The following TCERG1 variants were observed in gnomAD, a reference collection of about 807,000 sequenced individuals.
TCERG1 encodes the protein TATA box binding protein (TBP)-associated factor, RNA polymerase II, S, 150kD.
Under a neutral mutation model 144.7 loss-of-function variants are expected in TCERG1, and 37 were observed. The ratio of observed to expected loss-of-function variants is 0.26; its 90% CI spans 0.20 to 0.34. The LOEUF (loss-of-function observed/expected upper bound fraction) is 0.34, where lower values mean the gene tolerates loss of function less well. Among genes scored for constraint, TCERG1 ranks in the 10% least tolerant of loss-of-function variants. TCERG1 has a pLI of 1.00. For synonymous variants in TCERG1, 492 were observed against 458.2 expected (o/e 1.07, Z -0.94); for missense variants, 1,027 against 1,380.7 (o/e 0.74, Z 4.06).
intron 16 of TCERG1, among the ~76,000 whole-genome samples, chr5:146,493,829 T>G (rs1050497133): frequency 2.6e-5 from 4 of 152,004 alleles, no homozygotes; most frequent in Admixed American, 1.3e-4. Context: ...GATGTAAGAG[T>G]AGTGGTATTA....
chr5:146,472,050 T>G (rs1220201013), intron 9 of TCERG1, among the ~76,000 whole-genome samples: 1 of 152,238 alleles, frequency 6.6e-6, no homozygotes, highest in South Asian at 2.1e-4. Flanking sequence ...GAAGTTCAAT[T>G]ACTACAAGTG....
At chr5:146,503,774 A>G (rs756416652) in intron 18 of TCERG1, 50 bp from the exon 19 acceptor site, 7 of 1,530,380 alleles carry the variant, frequency 4.6e-6, no homozygotes, top group Non-Finnish European at 6.1e-6. Flanking sequence ...CTGTAAAAAC[A>G]TATTTTGATG....
intron 17 of TCERG1, among the ~76,000 whole-genome samples, chr5:146,502,742 G>A (rs56399824): frequency 0.064 from 9,679 of 152,140 alleles, 426 homozygotes; most frequent in Non-Finnish European, 0.085. Flanking sequence ...CAATTTTTTA[G>A]TAATGATTAA....
chr5:146,457,078 T>TA, intron 2 of TCERG1, 105 bp from the exon 3 acceptor site: 1 of 1,446,124 alleles, frequency 6.9e-7, no homozygotes, highest in Non-Finnish European at 9.4e-7. Flanking sequence ...TTGAATAGAC[T>TA]ATAAAACTAG....
intron 9 of TCERG1, among the ~76,000 whole-genome samples, chr5:146,472,877 C>T (rs1764471714): frequency 6.6e-6 from 1 of 152,146 alleles, no homozygotes; most frequent in Admixed American, 6.5e-5. Flanking sequence ...CCACGCCTGG[C>T]TAATTTTTTG....
chr5:146,493,709 A>G (rs1048305065), intron 16 of TCERG1, among the ~76,000 whole-genome samples: 5 of 152,090 alleles, frequency 3.3e-5, no homozygotes, highest in Non-Finnish European at 7.4e-5. Flanking sequence ...CCTGTTTTAT[A>G]TGAGATAAGC....
Position 146,498,547 on chromosome 5 carries a change from G to C in TCERG1, c.2294G>C (p.Ser765Thr). The change falls in exon 17 of 23, where the codon AGT becomes ACT. Residue 765 changes from serine to threonine, a missense_variant. This residue lies in a region of TCERG1 where 482 missense variants were observed against 632.6 expected (regional missense o/e 0.76). Coordinates refer to ENST00000679501, the MANE Select transcript of TCERG1 (RefSeq NM_001382548.1). ...EAKFNPRATF[S>T]EFAAKHAKDS... ...TAATTTTGTTACAGAGCAACTTTTA[G>C]TGAATTTGCAGCCAAGCATGCTAAA... is the stretch of plus-strand genomic sequence containing the variant. 1 of 1,604,390 alleles carries C rather than the reference G, an allele frequency of 6.2e-7. No individual in the cohort carries two copies. Among genetic ancestry groups the C allele is most frequent in the Non-Finnish European group, 8.5e-7 (1 of 1,176,750 alleles).
chr5:146,475,267 A>G (rs904659732), intron 9 of TCERG1, among the ~76,000 whole-genome samples: 18 of 152,228 alleles, frequency 1.2e-4, no homozygotes, highest in African/African-American at 4.1e-4. Context: ...CAGACAGGCA[A>G]GCAGGTCTAG....
intron 16 of TCERG1, among the ~76,000 whole-genome samples, chr5:146,497,484 G>A (rs1272642247): frequency 2.6e-5 from 4 of 152,154 alleles, no homozygotes; most frequent in African/African-American, 4.8e-5. Context: ...TACTTAGAAC[G>A]ACATCTGGAC....
rs764803204 is a variant in TCERG1, at chr5:146,498,070, C to A, written c.2283-466C>A. Among the ~76,000 whole-genome samples, 8 of 152,044 alleles carry A rather than the reference C, an allele frequency of 5.3e-5. 1 individual carries two copies. Among genetic ancestry groups the A allele is most frequent in the South Asian group, 4.2e-4 (2 of 4,818 alleles). Reference sequence around the variant, plus strand: ...GCTCTCTCTGCACCTCATAAATTTCCCTTCTTTCAGGCATTTCAGTCTTAC... The same window carrying A: ...GCTCTCTCTGCACCTCATAAATTTCACTTCTTTCAGGCATTTCAGTCTTAC... On this transcript the variant is annotated intron_variant, in intron 16 of 22. Coordinates refer to ENST00000679501, the MANE Select transcript of TCERG1 (RefSeq NM_001382548.1).
chr5:146,501,934 G>T (rs372937697), intron 17 of TCERG1, among the ~76,000 whole-genome samples: 6 of 88,120 alleles, frequency 6.8e-5, no homozygotes, highest in South Asian at 3.7e-4. Context: ...TTTGCTTGTT[G>T]CCCAGGCTGG....
chr5:146,476,305 A>G (rs1306713277), intron 9 of TCERG1, among the ~76,000 whole-genome samples: 2 of 152,222 alleles, frequency 1.3e-5, no homozygotes, highest in Non-Finnish European at 2.9e-5. Context: ...ATCTATCTTC[A>G]GTATCTCATT....
At chr5:146,457,994 C>A (rs1419607290) in intron 3 of TCERG1, among the ~76,000 whole-genome samples, 1 of 151,954 alleles carries the variant, frequency 6.6e-6, no homozygotes, top group African/African-American at 2.4e-5. Flanking sequence ...GAGTTACAGG[C>A]ACCTGCCATC....
At chr5:146,475,327 G>GTGA (rs1484317788) in intron 9 of TCERG1, among the ~76,000 whole-genome samples, 2 of 152,148 alleles carry the variant, frequency 1.3e-5, no homozygotes, top group African/African-American at 4.8e-5. Flanking sequence ...TAGTTCATAA[G>GTGA]TGATGATTAT....
chr5:146,453,923 C>T (rs769416904), intron 1 of TCERG1, among the ~76,000 whole-genome samples: 9 of 151,744 alleles, frequency 5.9e-5, no homozygotes, highest in Non-Finnish European at 1.2e-4. Context: ...TCCGGCCAGG[C>T]GCTGTGGCTC....
chr5:146,469,111 C>G (rs766253390), intron 6 of TCERG1, among the ~76,000 whole-genome samples: 1 of 152,046 alleles, frequency 6.6e-6, no homozygotes, highest in African/African-American at 2.4e-5. Flanking sequence ...TGAGAATATT[C>G]ATACCCTTTT....
chr5:146,482,790 C>A, intron 14 of TCERG1, 63 bp downstream of exon 14: 2 of 1,484,164 alleles, frequency 1.3e-6, no homozygotes, highest in South Asian at 1.4e-5. Context: ...ATATGTCTTG[C>A]TAAAAGGTCA....
chr5:146,456,783 A>G (rs752568147), intron 2 of TCERG1, among the ~76,000 whole-genome samples: 5 of 152,214 alleles, frequency 3.3e-5, no homozygotes, highest in African/African-American at 4.8e-5. Flanking sequence ...TAATTTTGAA[A>G]CTCATTTTTA....
chr5:146,447,451 C>G (rs971726538), intron 1 of TCERG1, 43 bp downstream of exon 1: 2 of 1,592,778 alleles, frequency 1.3e-6, no homozygotes, highest in Non-Finnish European at 1.7e-6. Flanking sequence ...TCACGAGAGC[C>G]CCAGAGGCTA....
Sources: gnomAD v4.1 joint callset for allele counts (sites outside exome capture counted in the v4.1 genomes callset) on GRCh38, gnomAD v4.1.1 for gene constraint, gnomAD v4.1.1 regional missense constraint, MANE v1.5 for transcripts, NCBI Gene and HGNC (gene_info 2026-07-23, HGNC 2026-07-21) for gene names.